NRXN2: variants seen among roughly 807,000 people sequenced by gnomAD.
NRXN2 encodes the protein neurexin-2-beta.
NRXN2 carries 29 observed loss-of-function variants against 128.8 expected under a neutral mutation model. That is an observed-to-expected ratio of 0.23 (90% CI 0.17 to 0.31). The LOEUF (loss-of-function observed/expected upper bound fraction) is 0.31, where lower values mean the gene tolerates loss of function less well. Among genes scored for constraint, NRXN2 ranks in the 10% least tolerant of loss-of-function variants. The probability of loss-of-function intolerance (pLI) is 1.00; values close to 1 mark genes in which losing one functional copy is unlikely to be tolerated. For synonymous variants in NRXN2, 1,098 were observed against 1,075.2 expected, an observed-to-expected ratio of 1.02 and a Z score of -0.41; for missense variants, 1,881 against 2,452.6, an observed-to-expected ratio of 0.77 and a Z score of 4.92.
chr11:64,655,202 C>T (rs1039398364), intron 11 of NRXN2, among the ~76,000 whole-genome samples: 2 of 152,146 alleles, frequency 1.3e-5, no homozygotes, highest in African/African-American at 2.4e-5. Flanking sequence ...TACAGCTGAG[C>T]TCCACACGCG....
In NRXN2 at chr11:64,632,370, A is replaced by G. The variant is rs2044039103; in HGVS notation, c.3586-1797T>C. On this transcript the variant is annotated intron_variant, in intron 18 of 22. Transcript: ENST00000265459. The surrounding 1 kb of genome is among the most constrained non-coding windows in gnomAD (Gnocchi z 4.2). ...GAAACTGAGGCTGGGCTTGCCTAAC[A>G]AAGAGTATTAGCAAGCCCCACCCAT... 6.6e-6 allele frequency among the ~76,000 whole-genome samples: 1 copy of G among 152,172 alleles called. No individual in the cohort carries two copies. Among genetic ancestry groups the G allele is most frequent in the Non-Finnish European group, 1.5e-5 (1 of 68,016 alleles).
intron 7 of NRXN2, among the ~76,000 whole-genome samples, chr11:64,670,571 G>C (rs926878762): frequency 3.9e-5 from 6 of 152,130 alleles, no homozygotes; most frequent in African/African-American, 1.4e-4. Flanking sequence ...CAGGAACTGG[G>C]CTGCTGATTA....
chr11:64,713,436 C>A lies in NRXN2; in HGVS notation c.264G>T (p.Arg88=), dbSNP rs1163982514. 2 of 1,513,060 alleles carry A rather than the reference C, an allele frequency of 1.3e-6. No individual in the cohort carries two copies. Among genetic ancestry groups the A allele is most frequent in the Non-Finnish European group, 1.8e-6 (2 of 1,138,376 alleles). 93.7% of individuals were successfully genotyped at this position (1,513,060 alleles called of 1,614,324 possible). A position where few individuals can be genotyped will look rare whatever the true frequency, so the allele number is the denominator to read the frequency against. The part of the protein sequence containing the change: ...LELLLVDGRL[R]LRFTLSCAEP... ...CGGCGCACGAAAGCGTGAAGCGCAG[C>A]CGCAGGCGGCCGTCCACCAGCAGCA... Residue 88 remains arginine, a synonymous_variant, in exon 2 of 23, where the codon CGG becomes CGT. Coordinates refer to ENST00000265459, the MANE Select transcript of NRXN2 (RefSeq NM_015080.4).
chr11:64,650,452 G>C lies in NRXN2; in HGVS notation c.3105C>G (p.Leu1035=), dbSNP rs901270769. Reference sequence around the variant, plus strand: ...CTCCAGAGGCCCCAGCCCCACCTTTGAGATCGAGGTTTCGGGCGCCATTGG... The same window carrying C: ...CTCCAGAGGCCCCAGCCCCACCTTTCAGATCGAGGTTTCGGGCGCCATTGG... ...QHSNGARNLD[L]KGELYIGGLS... Residue 1035 remains leucine, a synonymous_variant, in exon 15 of 23, where the codon CTC becomes CTG. Transcript: ENST00000265459. 2 of 1,614,182 alleles carry C rather than the reference G, an allele frequency of 1.2e-6. No homozygotes were observed. Among genetic ancestry groups the C allele is most frequent in the Non-Finnish European group, 1.7e-6 (2 of 1,180,028 alleles).
chr11:64,662,301 A>G (rs1171765973), intron 9 of NRXN2, among the ~76,000 whole-genome samples: 2 of 151,950 alleles, frequency 1.3e-5, no homozygotes, highest in African/African-American at 4.8e-5. Flanking sequence ...GAAGAAGAAA[A>G]GGAAGAGGAG....
Position 64,617,163 on chromosome 11 carries a change from T to C in NRXN2, c.4252+3131A>G, listed in dbSNP as rs74740989. Among the ~76,000 whole-genome samples, 167 of 151,592 alleles carry C rather than the reference T, an allele frequency of 1.1e-3. 1 individual carries two copies. The highest frequency in any genetic ancestry group is 3.8e-3 in the African/African-American group (157 of 41,288). ...GTGTGTGCTCCTCTAGGTTTGAACGTGTGTGTGTGTGTATGTGTGTGTGTG... is the reference window on the plus strand; with the variant it reads ...GTGTGTGCTCCTCTAGGTTTGAACGCGTGTGTGTGTGTATGTGTGTGTGTG... On this transcript the variant is annotated intron_variant, in intron 22 of 22. Transcript: ENST00000265459.
At chr11:64,638,808 G>A (rs1474384940) in intron 17 of NRXN2, among the ~76,000 whole-genome samples, 2 of 152,164 alleles carry the variant, frequency 1.3e-5, no homozygotes, top group Admixed American at 6.5e-5. Flanking sequence ...AGATGCCATA[G>A]GCCCAGGTTC....
rs201809675 is a variant in NRXN2, at chr11:64,648,816, G to A, written c.3201C>T (p.Ala1067=). ...GGAGACGTCCGTTGAGGTCCACTGA[G>A]GCCAGGCAGCCCTGAAAGCCATCCC... is the stretch of plus-strand genomic sequence containing the variant. ...ASRDGFQGCL[A]SVDLNGRLPD... The change falls in exon 16 of 23, where the codon GCC becomes GCT. Residue 1067 remains alanine, a synonymous_variant. Coordinates refer to ENST00000265459, the MANE Select transcript of NRXN2 (RefSeq NM_015080.4). The surrounding 1 kb of genome is among the most constrained non-coding windows in gnomAD (Gnocchi z 4.1). The A allele has an allele frequency of 6.2e-7, 1 of 1,614,184 alleles. No homozygotes were observed. The highest frequency in any genetic ancestry group is 1.3e-5 in the African/African-American group (1 of 75,058).
At chr11:64,615,780 T>G (rs1200361612) in intron 22 of NRXN2, among the ~76,000 whole-genome samples, 1 of 152,096 alleles carries the variant, frequency 6.6e-6, no homozygotes, top group Non-Finnish European at 1.5e-5. Flanking sequence ...ATGGGTACCT[T>G]GGAGCACAGA....
rs2050027539 is a variant in NRXN2 at position 64,667,416 on chromosome 11, GCT to G, written c.1630_1631del (p.Ser544ProfsTer41). ...AGTCGGCCCGCTGAGCAGAGCTGTG[GCT>G]GCCAGCTCCACCCCCAGCCCGCCGG... ...QGRRAGGGAG[S>X]HSSAQRADYF... is the part of the protein sequence containing the mutation. On this transcript the variant is annotated frameshift_variant, in exon 9 of 23. Transcript: ENST00000265459. LOFTEE classifies it high-confidence loss of function. This position sits in a 1 kb window ranked among gnomAD's most constrained non-coding sequence, Gnocchi z 5.6. 6 of 1,614,070 alleles carry G rather than the reference GCT, an allele frequency of 3.7e-6. No individual in the cohort carries two copies. Among genetic ancestry groups the G allele is most frequent in the Non-Finnish European group, 5.1e-6 (6 of 1,180,034 alleles).
chr11:64,634,207 T>A (rs1359731485), intron 18 of NRXN2, among the ~76,000 whole-genome samples: 2 of 152,086 alleles, frequency 1.3e-5, no homozygotes, highest in East Asian at 1.9e-4. Context: ...GCCTGCCTGA[T>A]CCCCACAGCA....
chr11:64,681,167 C>A (rs1026106102), intron 6 of NRXN2, among the ~76,000 whole-genome samples: 3 of 135,702 alleles, frequency 2.2e-5, no homozygotes, highest in African/African-American at 8.4e-5. Flanking sequence ...TCCAAGAGGA[C>A]AAGAAGTAGT....
intron 22 of NRXN2, among the ~76,000 whole-genome samples, chr11:64,619,128 T>C (rs560077190): frequency 1.3e-5 from 2 of 152,104 alleles, no homozygotes; most frequent in East Asian, 3.9e-4. Context: ...CCTGACCACA[T>C]AATCTCCCCC....
rs568767180 is a variant in NRXN2, at chr11:64,654,696, G to T, written c.2390-974C>A. Among the ~76,000 whole-genome samples, 314 of 152,304 alleles carry T rather than the reference G, an allele frequency of 2.1e-3. 4 individuals are homozygous for T. The highest frequency in any genetic ancestry group is 1.1e-3 in the Non-Finnish European group (78 of 68,020). ...TCTTGCAGAGGGAACAGTGGACCAGGGTCCTATGAAGTCCAGATTTAAGGC... is the reference window on the plus strand; with the variant it reads ...TCTTGCAGAGGGAACAGTGGACCAGTGTCCTATGAAGTCCAGATTTAAGGC... On this transcript the variant is annotated intron_variant, in intron 11 of 22. Coordinates refer to ENST00000265459, the MANE Select transcript of NRXN2 (RefSeq NM_015080.4).
chr11:64,668,620 G>C lies in NRXN2; in HGVS notation c.1198-16C>G. On this transcript the variant is annotated splice_polypyrimidine_tract_variant and intron_variant, in intron 7 of 22. Coordinates refer to ENST00000265459, the MANE Select transcript of NRXN2 (RefSeq NM_015080.4). ...AGATGGTCACCTGTCCAGCCCAGGA[G>C]GGAGGGAGAAAGACAGGAGACAACC... is the stretch of plus-strand genomic sequence containing the variant. 6.2e-7 allele frequency: 1 copy of C among 1,612,778 alleles called. No individual in the cohort carries two copies. Among genetic ancestry groups the C allele is most frequent in the Non-Finnish European group, 8.5e-7 (1 of 1,179,922 alleles).
chr11:64,629,677 C>A (rs536980080), intron 19 of NRXN2, among the ~76,000 whole-genome samples: 1 of 152,182 alleles, frequency 6.6e-6, no homozygotes, highest in African/African-American at 2.4e-5. Flanking sequence ...ATTCTCAAGG[C>A]TCCCTGCAAG....
At chr11:64,653,057 A>G (rs1270522448) in intron 12 of NRXN2, among the ~76,000 whole-genome samples, 1 of 151,902 alleles carries the variant, frequency 6.6e-6, no homozygotes, top group Non-Finnish European at 1.5e-5. Context: ...CCCAAGCCAC[A>G]CCATGCAGAA....
chr11:64,652,387 G>GTCATACATCCACTCTC (rs2047594836), intron 12 of NRXN2, among the ~76,000 whole-genome samples: 1 of 152,060 alleles, frequency 6.6e-6, no homozygotes, highest in Non-Finnish European at 1.5e-5. Context: ...TTATACCCCA[G>GTCATACATCCACTCTC]TCATACATCC....
intron 9 of NRXN2, among the ~76,000 whole-genome samples, chr11:64,663,354 G>A (rs1243711542): frequency 2.7e-5 from 4 of 147,106 alleles, no homozygotes; most frequent in Non-Finnish European, 4.5e-5. Context: ...CAGCCTGGGC[G>A]ACAAGAGCAA....
Sources: allele counts gnomAD v4.1 joint callset (sites outside exome capture counted in the v4.1 genomes callset), GRCh38; gene constraint gnomAD v4.1.1; non-coding constraint Gnocchi (gnomAD v3.1); transcripts MANE v1.5; gene names NCBI Gene and HGNC (gene_info 2026-07-23, HGNC 2026-07-21).